Variants in MDM4 observed in about 807,000 individuals in gnomAD.
MDM4 encodes protein Mdm4.
MDM4 carries 2 observed loss-of-function variants against 60.2 expected under a neutral mutation model. The observed-to-expected ratio is 0.03, with a 90% confidence interval of 0.01 to 0.10. MDM4 has a LOEUF of 0.10. Ranked by LOEUF, MDM4 falls within the 10% of genes least tolerant of loss-of-function variation. The pLI is 1.00. For synonymous variants in MDM4, 202 were observed against 198.1 expected (o/e 1.02, Z -0.17); for missense variants, 447 against 577.5 (o/e 0.77, Z 2.32).
chr1:204,551,091 G>A lies in MDM4; in HGVS notation c.*1409G>A. 1 of 189,626 alleles carries A rather than the reference G, an allele frequency of 5.3e-6. No homozygotes were observed. The highest frequency in any genetic ancestry group is 1.1e-5 in the Non-Finnish European group (1 of 90,468). The allele number at this position is 189,626 out of a possible 1,614,324, so 11.7% of individuals were successfully genotyped here. A position where few individuals can be genotyped will look rare whatever the true frequency, so the allele number is the denominator to read the frequency against. ...AGGGTCTTGCTCTGTCGCCCAGGCT[G>A]GAGTGCACTGGCACAATCACAGTTC... On this transcript the variant is annotated 3_prime_UTR_variant, in exon 11 of 11. Transcript: ENST00000367182.
chr1:204,527,624 CAA>C (rs1660339481), intron 3 of MDM4, among the ~76,000 whole-genome samples: 1 of 138,022 alleles, frequency 7.2e-6, no homozygotes, highest in Non-Finnish European at 1.5e-5. Context: ...TCCTGGGCAA[CAA>C]GAGTGAAACT....
At chr1:204,533,606 C>G (rs1661081848) in intron 5 of MDM4, among the ~76,000 whole-genome samples, 1 of 152,230 alleles carries the variant, frequency 6.6e-6, no homozygotes, top group African/African-American at 2.4e-5. Flanking sequence ...AGTCCACCCA[C>G]TTTGGCCTCC....
chr1:204,531,705 G>A (rs574612527), intron 4 of MDM4, among the ~76,000 whole-genome samples: 9 of 152,112 alleles, frequency 5.9e-5, no homozygotes, highest in Non-Finnish European at 1.0e-4. Context: ...GGTGGCGGGC[G>A]CCTATAATCC....
chr1:204,529,284 C>T (rs1660598403), intron 3 of MDM4: 1 of 746,258 alleles, frequency 1.3e-6, no homozygotes, highest in Non-Finnish European at 2.5e-6. Context: ...CCTGCTTCAC[C>T]TCCTTCATGG....
intron 5 of MDM4, among the ~76,000 whole-genome samples, chr1:204,533,170 A>G (rs1661043538): frequency 6.6e-6 from 1 of 152,236 alleles, no homozygotes; most frequent in South Asian, 2.1e-4. Context: ...TTAGGTATGT[A>G]TAGGAAACTG....
At chr1:204,546,964 G>A (rs1662728651) in intron 10 of MDM4, 87 bp downstream of exon 10, 5 of 756,460 alleles carry the variant, frequency 6.6e-6, no homozygotes, top group Non-Finnish European at 1.1e-5. Context: ...GAAGAGTGCT[G>A]TTTACCCCTC....
At chr1:204,517,216 T>C (rs1659069636) in intron 1 of MDM4, among the ~76,000 whole-genome samples, 1 of 148,810 alleles carries the variant, frequency 6.7e-6, no homozygotes, top group East Asian at 2.0e-4. Context: ...CACTCCAGCT[T>C]GGGCTACAGA....
chr1:204,517,295 C>G (rs1325673081), intron 1 of MDM4, among the ~76,000 whole-genome samples: 1 of 151,678 alleles, frequency 6.6e-6, no homozygotes, highest in Non-Finnish European at 1.5e-5. Context: ...AACCTACAGA[C>G]AGTATCGAGA....
intron 5 of MDM4, chr1:204,532,608 G>C (rs1344433449): frequency 1.6e-6 from 1 of 622,614 alleles, no homozygotes; most frequent in African/African-American, 1.9e-5. Context: ...GCCAGTTTAT[G>C]TATCATTTCC....
rs760037275 is a variant in MDM4, at chr1:204,525,620, G to GT, written c.78+30dup. On this transcript the variant is annotated intron_variant, in intron 2 of 10. Coordinates refer to ENST00000367182, the MANE Select transcript of MDM4 (RefSeq NM_002393.5). ...AGGTAAATCATTTTCGGTATTTCTA[G>GT]TTTTTTGGTTTTTTTTTTTTTTAAT... The GT allele has an allele frequency of 2.1e-5, 29 of 1,372,966 alleles. No individual in the cohort carries two copies. In the Admixed American group the frequency reaches 5.7e-4, roughly 27 times the overall value. 85.0% of individuals were successfully genotyped at this position (1,372,966 alleles called of 1,614,324 possible).
chr1:204,519,730 C>T (rs1018092693), intron 1 of MDM4, among the ~76,000 whole-genome samples: 1 of 151,948 alleles, frequency 6.6e-6, no homozygotes, highest in African/African-American at 2.4e-5. Context: ...GGGAGGCTTG[C>T]TTGAGCTGGG....
intron 8 of MDM4, 106 bp downstream of exon 8, chr1:204,543,050 C>T: frequency 4.0e-6 from 4 of 1,002,484 alleles, no homozygotes; most frequent in South Asian, 1.6e-5. Context: ...TTATTTACTC[C>T]TATGGCGTTA....
chr1:204,530,617 C>T (rs534235436), intron 3 of MDM4, 67 bp from the exon 4 acceptor site: 3 of 1,587,708 alleles, frequency 1.9e-6, no homozygotes, highest in Non-Finnish European at 1.7e-6. Context: ...TACCTTACCT[C>T]CTCTAATGAA....
intron 5 of MDM4, among the ~76,000 whole-genome samples, chr1:204,536,025 G>T (rs181732685): frequency 6.4e-4 from 98 of 152,166 alleles, no homozygotes; most frequent in Admixed American, 2.0e-3. Flanking sequence ...ACTTTGGGAG[G>T]CCGAGGCGGG....
At chr1:204,518,789 G>C (rs1440253359) in intron 1 of MDM4, among the ~76,000 whole-genome samples, 1 of 152,138 alleles carries the variant, frequency 6.6e-6, no homozygotes, top group Non-Finnish European at 1.5e-5. Context: ...CCGCAGCCAC[G>C]CAAGTAGCTG....
intron 1 of MDM4, among the ~76,000 whole-genome samples, chr1:204,523,503 C>A (rs12757249): frequency 0.64 from 52,295 of 81,658 alleles, 16,594 homozygotes; most frequent in Non-Finnish European, 0.72. Flanking sequence ...TTTTTTTTTG[C>A]GACAGGGTAT....
At chr1:204,528,990 G>A in intron 3 of MDM4, 1 of 1,532,962 alleles carries the variant, frequency 6.5e-7, no homozygotes, top group Admixed American at 1.7e-5. Flanking sequence ...CTGTCTGGCA[G>A]GATTGACAGA....
In MDM4 at chr1:204,556,365, G is replaced by T. The variant is rs1024145987; in HGVS notation, c.*6683G>T. ...GAGGCTTCCTTTCTGTGTGTGATGG[G>T]GGATAGGGAGTTAGCTCCCCTGTTG... is the stretch of plus-strand genomic sequence containing the variant. On this transcript the variant is annotated 3_prime_UTR_variant, in exon 11 of 11. Transcript: ENST00000367182. 1.3e-5 allele frequency: 3 copies of T among 227,070 alleles called. No individual in the cohort carries two copies. The highest frequency in any genetic ancestry group is 2.6e-5 in the Non-Finnish European group (3 of 114,270). 14.1% of individuals were successfully genotyped at this position (227,070 alleles called of 1,614,324 possible).
At chr1:204,539,539 G>GT (rs1027772704) in intron 7 of MDM4, among the ~76,000 whole-genome samples, 2,573 of 110,418 alleles carry the variant, frequency 0.023, 35 homozygotes, top group African/African-American at 0.026. Flanking sequence ...GTTTTGTTTT[G>GT]TTTTTTTTTT....
Sources: allele counts gnomAD v4.1 joint callset (sites outside exome capture counted in the v4.1 genomes callset), GRCh38; gene constraint gnomAD v4.1.1; transcripts MANE v1.5; gene names NCBI Gene and HGNC (gene_info 2026-07-23, HGNC 2026-07-21).